PTRH1: variants seen among roughly 807,000 people sequenced by gnomAD.
PTRH1 encodes the protein peptidyl-tRNA hydrolase.
PTRH1 carries 13 observed loss-of-function variants against 15.7 expected under a neutral mutation model. The ratio of observed to expected loss-of-function variants is 0.83; its 90% CI spans 0.54 to 1.31. The LOEUF is 1.31. Among genes scored for constraint, PTRH1 ranks in the 40% most tolerant of loss-of-function variants. The pLI is 0.00. For missense variants in PTRH1, 319 were observed against 296.2 expected, an observed-to-expected ratio of 1.08 and a Z score of -0.56; for synonymous variants, 139 against 136.7, an observed-to-expected ratio of 1.02 and a Z score of -0.12.
rs143424597 is a variant in PTRH1, at chr9:127,705,643, G to A, written c.205+9792C>T. Among the ~76,000 whole-genome samples, 15 of 152,244 alleles carry A rather than the reference G, an allele frequency of 9.9e-5. No homozygotes were observed. The highest frequency in any genetic ancestry group is 3.4e-4 in the African/African-American group (14 of 41,458). On this transcript the variant is annotated intron_variant, in intron 1 of 2. Transcript: ENST00000335223. The surrounding 1 kb of genome is among the most constrained non-coding windows in gnomAD (Gnocchi z 4.7). ...ATGGGGGAGGCACGGGGAGGCCCCC[G>A]GTCAACTGGGAGCACTGTGGGAATT...
intron 1 of PTRH1, among the ~76,000 whole-genome samples, chr9:127,704,502 T>A (rs1842627687): frequency 7.9e-6 from 1 of 127,246 alleles, no homozygotes; most frequent in Non-Finnish European, 1.6e-5. Context: ...CGAGACACTG[T>A]CTCAAAAAAA....
chr9:127,698,759 G>T (rs921611373), intron 1 of PTRH1, among the ~76,000 whole-genome samples: 1 of 152,158 alleles, frequency 6.6e-6, no homozygotes, highest in Non-Finnish European at 1.5e-5. Context: ...AGAATCCCTG[G>T]ATCTAGGGTG....
intron 1 of PTRH1, among the ~76,000 whole-genome samples, chr9:127,699,351 G>A (rs1020216060): frequency 2.2e-4 from 33 of 152,370 alleles, no homozygotes; most frequent in Middle Eastern, 3.4e-3. Context: ...GAAACACTGT[G>A]AGCAAGGAAA....
chr9:127,695,369 A>G (rs910844993), intron 1 of PTRH1: 6 of 505,592 alleles, frequency 1.2e-5, no homozygotes, highest in African/African-American at 1.9e-5. Flanking sequence ...ATAAAGCTTC[A>G]ATGTTGCAGG....
intron 2 of PTRH1, among the ~76,000 whole-genome samples, chr9:127,694,388 C>T (rs1302932340): frequency 6.6e-6 from 1 of 152,220 alleles, no homozygotes; most frequent in Non-Finnish European, 1.5e-5. Context: ...TCCCTCCAAT[C>T]TCCTGGGAGT....
intron 1 of PTRH1, among the ~76,000 whole-genome samples, chr9:127,700,066 A>T (rs1468153876): frequency 6.6e-6 from 1 of 152,198 alleles, no homozygotes; most frequent in Non-Finnish European, 1.5e-5. Context: ...CCTGGGCAGC[A>T]GAGCAAGACT....
downstream of PTRH1, among the ~76,000 whole-genome samples, chr9:127,710,282 C>CAAA (rs60165824): frequency 7.3e-5 from 6 of 82,598 alleles, no homozygotes; most frequent in African/African-American, 9.9e-5. Context: ...GACCCTGTCT[C>CAAA]AAAAAAAAAA....
intron 1 of PTRH1, among the ~76,000 whole-genome samples, chr9:127,701,630 G>A (rs1364852725): frequency 6.6e-6 from 1 of 152,166 alleles, no homozygotes; most frequent in Non-Finnish European, 1.5e-5. Context: ...TGGCATGTTT[G>A]GGCCGGGAGC....
chr9:127,697,356 G>A (rs1842569443), intron 1 of PTRH1, among the ~76,000 whole-genome samples: 1 of 152,152 alleles, frequency 6.6e-6, no homozygotes, highest in African/African-American at 2.4e-5. Flanking sequence ...TTGGCAAGAA[G>A]TTTGTAAAAC....
downstream of PTRH1, chr9:127,711,454 C>T (rs1204270966): frequency 2.9e-5 from 46 of 1,613,900 alleles, no homozygotes; most frequent in East Asian, 9.8e-4. Context: ...TGCTGGAGAA[C>T]ACCCAGAAGG....
intron 1 of PTRH1, among the ~76,000 whole-genome samples, chr9:127,706,336 G>T (rs1432476333): frequency 6.6e-6 from 1 of 152,106 alleles, no homozygotes; most frequent in Non-Finnish European, 1.5e-5. Context: ...GTTGCTCCAA[G>T]AAACCACATT....
chr9:127,712,059 G>A (rs1588394133), downstream of PTRH1: 1 of 1,500,062 alleles, frequency 6.7e-7, no homozygotes, highest in Non-Finnish European at 9.0e-7. Flanking sequence ...CTCTCTAGAG[G>A]AGCCTGCCAG....
chr9:127,714,393 A>C lies in PTRH1; in HGVS notation c.448T>G (p.Cys150Gly). 1 of 1,614,240 alleles carries C rather than the reference A, an allele frequency of 6.2e-7. No homozygotes were observed. Among genetic ancestry groups the C allele is most frequent in the Non-Finnish European group, 8.5e-7 (1 of 1,180,038 alleles). The change falls in exon 4 of 5, where the codon TGC becomes GGC. Residue 150 changes from cysteine (C) to glycine (G), a missense_variant. Coordinates refer to ENST00000543175, the MANE Select transcript of PTRH1 (RefSeq NM_001002913.3). ...GGTAGACTCACATTGGAGTTGAGGC[A>C]GCTAATGCAGGAACGGACTCCATTG... ...GHNGVRSCIS[C>G]LNSNAMPRLR...
In PTRH1 at chr9:127,707,044, AAG is replaced by A. The variant is rs759857065; in HGVS notation, c.205+8389_205+8390del. The stretch of plus-strand genomic sequence containing the variant: ...GTTGCCATCAGCCATGGCTCCCAAA[AAG>A]AGTGTGAGCAAGGCAGGCAAGGAGC... On this transcript the variant is annotated intron_variant, in intron 1 of 2. Transcript: ENST00000335223. 2.5e-6 allele frequency: 4 copies of A among 1,613,728 alleles called. No homozygotes were observed. The South Asian group carries it at 3.3e-5, about 13-fold the overall frequency.
Position 127,715,356 on chromosome 9 carries a change from A to G in PTRH1, c.97-162T>C. On this transcript the variant is annotated intron_variant, in intron 1 of 4. Coordinates refer to ENST00000543175, the MANE Select transcript of PTRH1 (RefSeq NM_001002913.3). The surrounding 1 kb of genome is among the most constrained non-coding windows in gnomAD (Gnocchi z 5.8). The stretch of plus-strand genomic sequence containing the variant: ...CAGAAACCCGACCCCTGAGAACTCC[A>G]GAAGGCTGGGCAGGCAGGGCGCCCT... 4.9e-6 allele frequency: 6 copies of G among 1,236,848 alleles called. No individual in the cohort carries two copies. Among genetic ancestry groups the G allele is most frequent in the Non-Finnish European group, 5.7e-6 (5 of 872,472 alleles). 76.6% of individuals were successfully genotyped at this position (1,236,848 alleles called of 1,614,324 possible).
downstream of PTRH1, chr9:127,709,483 C>T (rs746398794): frequency 1.9e-6 from 3 of 1,614,014 alleles, no homozygotes; most frequent in Non-Finnish European, 2.5e-6. The surrounding 1 kb of genome is among the most constrained non-coding windows in gnomAD (Gnocchi z 4.7). Context: ...GGAGTTTGAG[C>T]AGCTGGCCAA....
chr9:127,705,986 C>G lies in PTRH1; in HGVS notation c.205+9449G>C, dbSNP rs530614985. Among the ~76,000 whole-genome samples, 6 of 152,364 alleles carry G rather than the reference C, an allele frequency of 3.9e-5. No homozygotes were observed. The highest frequency in any genetic ancestry group is 1.9e-4 in the East Asian group (1 of 5,184). On this transcript the variant is annotated intron_variant, in intron 1 of 2. Transcript: ENST00000335223. This position sits in a 1 kb window ranked among gnomAD's most constrained non-coding sequence, Gnocchi z 4.7. Reference sequence around the variant, plus strand: ...AGGGCTGTCGGAAATTCCAGGCAGGCCTGCCTACCACACAAAGTGGGCGGG... The same window carrying G: ...AGGGCTGTCGGAAATTCCAGGCAGGGCTGCCTACCACACAAAGTGGGCGGG...
intron 1 of PTRH1, among the ~76,000 whole-genome samples, chr9:127,702,374 A>C (rs1216915616): frequency 8.2e-6 from 1 of 122,186 alleles, no homozygotes; most frequent in Non-Finnish European, 1.6e-5. Context: ...TTCCGTCTCC[A>C]AAAAAAAAAA....
downstream of PTRH1, chr9:127,712,840 C>T (rs377150093): frequency 6.2e-7 from 1 of 1,613,458 alleles, no homozygotes; most frequent in Non-Finnish European, 8.5e-7. Flanking sequence ...CGTGTCCCCA[C>T]CAGGAGTCAC....
Sources: gnomAD v4.1 joint callset for allele counts (sites outside exome capture counted in the v4.1 genomes callset) on GRCh38, gnomAD v4.1.1 for gene constraint, Gnocchi (gnomAD v3.1) non-coding constraint, MANE v1.5 for transcripts, NCBI Gene and HGNC (gene_info 2026-07-23, HGNC 2026-07-21) for gene names.